The following ITGA4 variants were observed in gnomAD, a reference collection of about 807,000 sequenced individuals.
ITGA4 encodes the protein integrin subunit alpha 4.
Under a neutral mutation model 133.6 loss-of-function variants are expected in ITGA4, and 63 were observed. That is an observed-to-expected ratio of 0.47 (90% CI 0.38 to 0.58). The LOEUF (loss-of-function observed/expected upper bound fraction) is 0.58. Ranked by LOEUF, ITGA4 falls within the 20% of genes least tolerant of loss-of-function variation. ITGA4 has a pLI of 0.00. For synonymous variants in ITGA4, 483 were observed against 438.0 expected (o/e 1.10, Z -1.28); for missense variants, 1,076 against 1,252.7 (o/e 0.86, Z 2.13).
intron 21 of ITGA4, among the ~76,000 whole-genome samples, chr2:181,525,938 T>C (rs1256624845): frequency 6.6e-6 from 1 of 152,218 alleles, no homozygotes; most frequent in Non-Finnish European, 1.5e-5. Context: ...TTATTCATGG[T>C]GTTAGTCCTT....
intron 11 of ITGA4, among the ~76,000 whole-genome samples, chr2:181,494,355 T>G (rs1408969531): frequency 6.6e-6 from 1 of 152,150 alleles, no homozygotes; most frequent in Non-Finnish European, 1.5e-5. Context: ...ACCTGTAATC[T>G]CAGCTACTCA....
intron 15 of ITGA4, 97 bp from the exon 16 acceptor site, chr2:181,509,561 C>T: frequency 1.3e-6 from 1 of 794,770 alleles, no homozygotes; most frequent in South Asian, 3.1e-5. Context: ...CTTTGTCTTC[C>T]ATGTATAGTG....
chr2:181,532,128 T>C (rs1226269352), intron 25 of ITGA4, among the ~76,000 whole-genome samples: 1 of 152,202 alleles, frequency 6.6e-6, no homozygotes, highest in Non-Finnish European at 1.5e-5. Flanking sequence ...GTCTCTGTTC[T>C]GTTCCATTGG....
intron 2 of ITGA4, among the ~76,000 whole-genome samples, chr2:181,467,065 TTTAA>T (rs1259290815): frequency 9.2e-5 from 14 of 152,312 alleles, no homozygotes; most frequent in African/African-American, 3.1e-4. Context: ...GATTATATAC[TTTAA>T]TTATTGCTTT....
At chr2:181,530,489 AAAGAT>A in intron 23 of ITGA4, 30 bp from the exon 24 acceptor site, 1 of 1,585,778 alleles carries the variant, frequency 6.3e-7, no homozygotes, top group Non-Finnish European at 8.6e-7. Flanking sequence ...TCCAGTGTTG[AAAGAT>A]AAGATTTCTC....
At position 181,516,075 on chromosome 2, in the gene ITGA4, C is replaced by T. The variant is rs894678272; in HGVS notation, c.1922+4300C>T. 2.4e-4 allele frequency among the ~76,000 whole-genome samples: 36 copies of T among 152,136 alleles called. No individual in the cohort carries two copies. The highest frequency in any genetic ancestry group is 8.4e-4 in the African/African-American group (35 of 41,526). ...GACAATAAACTGCATTTATAAAGGACTTGCAGTGCAAAATAAAGATGAACC... is the reference window on the plus strand; with the variant it reads ...GACAATAAACTGCATTTATAAAGGATTTGCAGTGCAAAATAAAGATGAACC... On this transcript the variant is annotated intron_variant, in intron 17 of 27. Transcript: ENST00000397033. This position sits in a 1 kb window ranked among gnomAD's most constrained non-coding sequence, Gnocchi z 4.0.
intron 25 of ITGA4, among the ~76,000 whole-genome samples, chr2:181,533,087 G>A (rs2105773730): frequency 6.6e-6 from 1 of 152,154 alleles, no homozygotes; most frequent in South Asian, 2.1e-4. Flanking sequence ...ATATATCTTG[G>A]ACTTTTTCCT....
At chr2:181,468,045 G>A (rs180760828) in intron 2 of ITGA4, among the ~76,000 whole-genome samples, 83 of 152,302 alleles carry the variant, frequency 5.4e-4, no homozygotes, top group African/African-American at 1.9e-3. Context: ...ATATGATGAT[G>A]CCAATGGCAA....
intron 17 of ITGA4, among the ~76,000 whole-genome samples, chr2:181,512,630 G>C (rs757846815): frequency 6.6e-6 from 1 of 152,008 alleles, no homozygotes; most frequent in Non-Finnish European, 1.5e-5. Context: ...AATAGCCAAT[G>C]GAGAATATAA....
chr2:181,469,496 A>G (rs1328248474), intron 2 of ITGA4, among the ~76,000 whole-genome samples: 8 of 152,202 alleles, frequency 5.3e-5, no homozygotes, highest in African/African-American at 1.7e-4. Context: ...CCATTGTGGA[A>G]GACAGTGTGG....
intron 2 of ITGA4, among the ~76,000 whole-genome samples, chr2:181,460,129 A>T (rs1043520333): frequency 2.0e-5 from 3 of 152,240 alleles, no homozygotes; most frequent in Non-Finnish European, 4.4e-5. Flanking sequence ...GATGAGTAAG[A>T]TAATTGATTA....
rs1294812368 is a variant in ITGA4 at position 181,494,983 on chromosome 2, C to T, written c.1339+171C>T. The stretch of plus-strand genomic sequence containing the variant: ...TTCCTAAAATGATCAAGTAATTCCT[C>T]AGCTTAACAGTGCTAGTTACACAAT... On this transcript the variant is annotated intron_variant, in intron 12 of 27. Transcript: ENST00000397033. Among the ~76,000 whole-genome samples the T allele has an allele frequency of 2.0e-5, 3 of 152,242 alleles. No individual in the cohort carries two copies. In the East Asian group the frequency reaches 5.8e-4, roughly 29 times the overall value.
chr2:181,521,975 G>A (rs972741690), intron 17 of ITGA4, among the ~76,000 whole-genome samples: 1 of 152,044 alleles, frequency 6.6e-6, no homozygotes, highest in African/African-American at 2.4e-5. Context: ...AGTTTCCTTG[G>A]GTAATAGGTG....
intron 15 of ITGA4, among the ~76,000 whole-genome samples, chr2:181,506,579 T>A (rs1686397689): frequency 6.6e-6 from 1 of 152,058 alleles, no homozygotes; most frequent in Non-Finnish European, 1.5e-5. Context: ...AGAAAAAAGA[T>A]TACATCCTTT....
In ITGA4 at chr2:181,457,430, G is replaced by T. The variant is rs914571504; in HGVS notation, c.-225G>T. The T allele has an allele frequency of 2.1e-6, 1 of 487,666 alleles. No homozygotes were observed. The highest frequency in any genetic ancestry group is 3.6e-6 in the Non-Finnish European group (1 of 275,242). 30.2% of individuals were successfully genotyped at this position (487,666 alleles called of 1,614,324 possible). A position where few individuals can be genotyped will look rare whatever the true frequency, so the allele number is the denominator to read the frequency against. On this transcript the variant is annotated 5_prime_UTR_variant, in exon 1 of 28. Coordinates refer to ENST00000397033, the MANE Select transcript of ITGA4 (RefSeq NM_000885.6). Reference sequence around the variant, plus strand: ...AAGCTCCCGGCTGGCGGCAGAAACCGGGAGTGGGGCCGGGCGAGTGCGCGG... The same window carrying T: ...AAGCTCCCGGCTGGCGGCAGAAACCTGGAGTGGGGCCGGGCGAGTGCGCGG...
At position 181,482,583 on chromosome 2, in the gene ITGA4, G is replaced by T. The variant is rs200311535; in HGVS notation, c.973G>T (p.Val325Leu). The T allele has an allele frequency of 1.2e-6, 2 of 1,613,584 alleles. No individual in the cohort carries two copies. The highest frequency in any genetic ancestry group is 1.7e-6 in the Non-Finnish European group (2 of 1,179,720). ...LNADGFSDLL[V>L]GAPMQSTIRE... is the part of the protein sequence containing the mutation. ...TGCAGATGGCTTCTCAGATCTGCTC[G>T]TGGGAGCACCCATGCAGAGCACCAT... Residue 325 changes from valine (V) to leucine (L), a missense_variant, in exon 9 of 28, where the codon GTG becomes TTG. By Grantham distance (32) the Val-to-Leu change is conservative. This residue lies in a region of ITGA4 where 436 missense variants were observed against 590.7 expected (regional missense o/e 0.74). Coordinates refer to ENST00000397033, the MANE Select transcript of ITGA4 (RefSeq NM_000885.6).
chr2:181,533,336 T>C (rs1225408452), intron 25 of ITGA4, among the ~76,000 whole-genome samples: 1 of 152,198 alleles, frequency 6.6e-6, no homozygotes, highest in Non-Finnish European at 1.5e-5. Context: ...AGAAGAAATA[T>C]CCATTTTAGT....
chr2:181,534,706 G>T (rs904163183), intron 26 of ITGA4, 110 bp from the exon 27 acceptor site: 1 of 936,378 alleles, frequency 1.1e-6, no homozygotes, highest in Non-Finnish European at 1.6e-6. Context: ...GGGCTGGGCA[G>T]TTCTAAATAC....
rs1250309509 is a variant in ITGA4 at position 181,534,897 on chromosome 2, C to G, written c.2965C>G (p.Leu989Val). The G allele has an allele frequency of 6.3e-7, 1 of 1,593,108 alleles. No homozygotes were observed. Among genetic ancestry groups the G allele is most frequent in the Non-Finnish European group, 8.5e-7 (1 of 1,173,096 alleles). ...TATTTCAAGTAGCTTGCTACTTGGA[C>G]TTATTGTACTTCTATTGATCTCATA... ...VIISSSLLLG[L>V]IVLLLISYVM... is the part of the protein sequence containing the mutation. The change falls in exon 27 of 28, where the codon CTT becomes GTT. Residue 989 changes from leucine (L) to valine (V), a missense_variant. Transcript: ENST00000397033.
Sources: gnomAD v4.1 joint callset for allele counts (sites outside exome capture counted in the v4.1 genomes callset) on GRCh38, gnomAD v4.1.1 for gene constraint, gnomAD v4.1.1 regional missense constraint, Gnocchi (gnomAD v3.1) non-coding constraint, MANE v1.5 for transcripts, NCBI Gene and HGNC (gene_info 2026-07-23, HGNC 2026-07-21) for gene names.